The following RHCE variants were observed in gnomAD, a reference collection of about 807,000 sequenced individuals.
RHCE encodes the protein Rh blood group CcEe antigens.
RHCE carries 22 observed loss-of-function variants against 43.8 expected under a neutral mutation model. That is an observed-to-expected ratio of 0.50 (90% CI 0.36 to 0.72). The LOEUF (loss-of-function observed/expected upper bound fraction) is 0.72. Ranked by LOEUF, RHCE falls within the 30% of genes least tolerant of loss-of-function variation. RHCE has a pLI of 0.00. For synonymous variants in RHCE, 156 were observed against 210.7 expected, an observed-to-expected ratio of 0.74 and a Z score of 2.25; for missense variants, 385 against 525.4, an observed-to-expected ratio of 0.73 and a Z score of 2.61.
At chr1:25,402,066 G>T (rs556314722) in intron 3 of RHCE, among the ~76,000 whole-genome samples, 11 of 151,992 alleles carry the variant, frequency 7.2e-5, no homozygotes, top group African/African-American at 2.7e-4. Context: ...TAGTAGAGAT[G>T]AGGTTCCCCC....
chr1:25,414,851 A>G (rs1470210311), intron 1 of RHCE, among the ~76,000 whole-genome samples: 1 of 152,162 alleles, frequency 6.6e-6, no homozygotes, highest in East Asian at 1.9e-4. Context: ...AACTAACAGA[A>G]GAACTGCCCA....
intron 1 of RHCE, among the ~76,000 whole-genome samples, chr1:25,414,507 G>A (rs1044801123): frequency 1.3e-5 from 2 of 152,080 alleles, no homozygotes; most frequent in African/African-American, 2.4e-5. Context: ...AGCCTGGGAA[G>A]AAAAACAGAG....
chr1:25,430,123 C>G (rs2042840465), exon 1 of RHCE: 2 of 151,902 alleles, frequency 1.3e-5, no homozygotes, highest in African/African-American at 4.8e-5. Context: ...TCGGCGCCCG[C>G]GGGGCCCACA....
At chr1:25,426,715 C>T (rs1431879148) in intron 2 of RHCE, among the ~76,000 whole-genome samples, 1 of 152,208 alleles carries the variant, frequency 6.6e-6, no homozygotes, top group East Asian at 1.9e-4. Flanking sequence ...TTGGTCAGTC[C>T]TCTCCCAAAC....
chr1:25,378,805 G>A (rs1026097361), intron 7 of RHCE, among the ~76,000 whole-genome samples: 8 of 152,120 alleles, frequency 5.3e-5, no homozygotes, highest in Non-Finnish European at 1.0e-4. Flanking sequence ...CTTTTTTACA[G>A]GGGAACTGTG....
intron 3 of RHCE, among the ~76,000 whole-genome samples, chr1:25,395,891 A>G (rs1277185903): frequency 6.6e-6 from 1 of 151,654 alleles, no homozygotes; most frequent in Non-Finnish European, 1.5e-5. Flanking sequence ...TCAGTGGGTG[A>G]AAGTTGGATG....
intron 1 of RHCE, among the ~76,000 whole-genome samples, chr1:25,412,720 A>ATT (rs1557640561): frequency 5.6e-4 from 75 of 132,940 alleles, no homozygotes; most frequent in African/African-American, 2.7e-3. Flanking sequence ...TTTTTTAAAA[A>ATT]AAAAAAAAAA....
At chr1:25,416,961 T>C (rs1372901474) in intron 1 of RHCE, among the ~76,000 whole-genome samples, 2 of 151,360 alleles carry the variant, frequency 1.3e-5, no homozygotes, top group African/African-American at 4.9e-5. Flanking sequence ...AAAGCATATA[T>C]GAAAACAGAG....
chr1:25,416,969 G>T (rs1647566479), intron 1 of RHCE, among the ~76,000 whole-genome samples: 1 of 150,046 alleles, frequency 6.7e-6, no homozygotes, highest in African/African-American at 2.5e-5. Context: ...TATGAAAACA[G>T]AGAGAACAGC....
chr1:25,421,181 A>G (rs547689853), upstream of RHCE, among the ~76,000 whole-genome samples: 1 of 152,352 alleles, frequency 6.6e-6, no homozygotes, highest in East Asian at 1.9e-4. Flanking sequence ...TTTATAAATA[A>G]GGAAACTGAA....
intron 8 of RHCE, among the ~76,000 whole-genome samples, chr1:25,372,751 T>A (rs1335830109): frequency 6.6e-6 from 1 of 151,718 alleles, no homozygotes; most frequent in African/African-American, 2.4e-5. Context: ...TGGGAGTCCA[T>A]TTGGTGCAAT....
In RHCE at chr1:25,385,712, T is replaced by C. The variant is rs1349239222; in HGVS notation, c.1072A>G (p.Met358Val). Residue 358 changes from methionine to valine, a missense_variant and splice_region_variant, in exon 7 of 10, where the codon ATG (methionine) becomes GTG (valine). By Grantham distance (21) the Met-to-Val change is conservative. Coordinates refer to ENST00000294413, the MANE Select transcript of RHCE (RefSeq NM_020485.8). ...TGGGGGGTAAGCCCAGTGACCCACATGCCATTGCCGTTCCAGACAGTATGA... is the reference window on the plus strand; with the variant it reads ...TGGGGGGTAAGCCCAGTGACCCACACGCCATTGCCGTTCCAGACAGTATGA... ...VLHTVWNGNG[M>V]IGFQVLLSIG... 1 of 1,614,016 alleles carries C rather than the reference T, an allele frequency of 6.2e-7. No homozygotes were observed.
chr1:25,412,574 T>C (rs2124516794), intron 1 of RHCE, among the ~76,000 whole-genome samples: 1 of 152,004 alleles, frequency 6.6e-6, no homozygotes, highest in African/African-American at 2.4e-5. Flanking sequence ...TACTTGGGCG[T>C]GGTGGCAAGT....
intron 1 of RHCE, 145 bp downstream of exon 1, chr1:25,420,494 C>T (rs2042736728): frequency 5.3e-6 from 8 of 1,503,520 alleles, no homozygotes; most frequent in Middle Eastern, 1.8e-4. Context: ...GACTGAATTT[C>T]GGTGCAATCT....
In RHCE at chr1:25,370,609, A is replaced by C. The variant is rs1645577722; in HGVS notation, c.1154-69T>G. On this transcript the variant is annotated intron_variant, in intron 8 of 9. Transcript: ENST00000294413. ...GATTTTTAATCTCAAGATTAATCAA[A>C]ATATTGTGTGTGTCAAAACGACAGT... 7 of 1,386,646 alleles carry C rather than the reference A, an allele frequency of 5.0e-6. 1 individual carries two copies. The East Asian group carries it at 1.6e-4, about 32-fold the overall frequency. 85.9% of individuals were successfully genotyped at this position (1,386,646 alleles called of 1,614,324 possible). A position where few individuals can be genotyped will look rare whatever the true frequency, so the allele number is the denominator to read the frequency against.
At position 25,397,130 on chromosome 1, in the gene RHCE, A is replaced by G. The variant is rs1042260155; in HGVS notation, c.487-4989T>C. Reference sequence around the variant, plus strand: ...CTGTCTCAAAAAAAAAAAAAAAAAAAAAAGAAATGTACACTGAAGTATTTA... The same window carrying G: ...CTGTCTCAAAAAAAAAAAAAAAAAAGAAAGAAATGTACACTGAAGTATTTA... On this transcript the variant is annotated intron_variant, in intron 3 of 9. Coordinates refer to ENST00000294413, the MANE Select transcript of RHCE (RefSeq NM_020485.8). 4.1e-4 allele frequency among the ~76,000 whole-genome samples: 61 copies of G among 148,800 alleles called. 1 individual carries two copies. In the East Asian group the frequency reaches 5.1e-3, roughly 12 times the overall value.
chr1:25,427,250 A>C (rs1314267165), intron 2 of RHCE, among the ~76,000 whole-genome samples: 1 of 152,194 alleles, frequency 6.6e-6, no homozygotes, highest in Non-Finnish European at 1.5e-5. Flanking sequence ...GGGTTTAATG[A>C]TCTGGCCTCT....
chr1:25,417,911 C>T (rs2124540900), intron 1 of RHCE, among the ~76,000 whole-genome samples: 1 of 152,322 alleles, frequency 6.6e-6, no homozygotes, highest in South Asian at 2.1e-4. Context: ...TGGCATCCGC[C>T]ATGACCCAAA....
intron 8 of RHCE, among the ~76,000 whole-genome samples, chr1:25,374,027 G>A (rs1645702311): frequency 6.6e-6 from 1 of 151,026 alleles, no homozygotes; most frequent in African/African-American, 2.5e-5. Context: ...TCCCATGTTG[G>A]TCAGGCTGGT....
Sources: allele counts gnomAD v4.1 joint callset (sites outside exome capture counted in the v4.1 genomes callset), GRCh38; gene constraint gnomAD v4.1.1; transcripts MANE v1.5; gene names NCBI Gene and HGNC (gene_info 2026-07-23, HGNC 2026-07-21).